The following FAR2 variants were observed in gnomAD, a reference collection of about 807,000 sequenced individuals.
FAR2 encodes fatty acyl-CoA reductase 2.
FAR2 carries 19 observed loss-of-function variants against 56.0 expected under a neutral mutation model. The ratio of observed to expected loss-of-function variants is 0.34; its 90% CI spans 0.24 to 0.50. The LOEUF is 0.50. FAR2 is among the 20% of genes least tolerant of loss of function. The probability of loss-of-function intolerance (pLI) is 0.98; values close to 1 mark genes in which losing one functional copy is unlikely to be tolerated. For missense variants in FAR2, 508 were observed against 642.2 expected (o/e 0.79, Z 2.26); for synonymous variants, 219 against 218.8 (o/e 1.00, Z -0.01).
chr12:29,257,634 C>T (rs937661590), intron 1 of FAR2, among the ~76,000 whole-genome samples: 7 of 152,108 alleles, frequency 4.6e-5, no homozygotes, highest in Admixed American at 3.3e-4. Flanking sequence ...AGCGAGACCA[C>T]GAGCCCACCG....
At chr12:29,324,481 G>A (rs1485189642) in intron 10 of FAR2, among the ~76,000 whole-genome samples, 2 of 152,174 alleles carry the variant, frequency 1.3e-5, no homozygotes, top group African/African-American at 4.8e-5. Flanking sequence ...GGAAAAAAGT[G>A]TTAAGAGCAG....
chr12:29,210,706 C>G (rs566828344), intron 1 of FAR2, among the ~76,000 whole-genome samples: 12 of 152,172 alleles, frequency 7.9e-5, no homozygotes, highest in Non-Finnish European at 1.2e-4. Flanking sequence ...GTAATCCCAG[C>G]ACTTTGGGAG....
intron 1 of FAR2, among the ~76,000 whole-genome samples, chr12:29,250,780 T>C (rs984034548): frequency 2.6e-5 from 4 of 152,130 alleles, no homozygotes; most frequent in African/African-American, 7.2e-5. Flanking sequence ...GAAAATATAA[T>C]GGATTAATTT....
At chr12:29,248,420 C>T (rs1948161207) in intron 1 of FAR2, among the ~76,000 whole-genome samples, 1 of 152,052 alleles carries the variant, frequency 6.6e-6, no homozygotes, top group African/African-American at 2.4e-5. Context: ...GCCACAAAAA[C>T]CAGCAAGTTT....
At chr12:29,186,938 G>A (rs936815992) in intron 1 of FAR2, among the ~76,000 whole-genome samples, 155 of 152,104 alleles carry the variant, frequency 1.0e-3, no homozygotes, top group African/African-American at 3.6e-3. Context: ...ACAGGCGCCC[G>A]CCACCACAAC....
chr12:29,328,853 T>G (rs1002536502), intron 10 of FAR2, among the ~76,000 whole-genome samples: 1 of 151,702 alleles, frequency 6.6e-6, no homozygotes, highest in Admixed American at 6.6e-5. Flanking sequence ...GTAACAAGCC[T>G]GCACGTTATG....
intron 1 of FAR2, among the ~76,000 whole-genome samples, chr12:29,255,007 A>G (rs1948295134): frequency 2.0e-5 from 3 of 152,106 alleles, no homozygotes; most frequent in Non-Finnish European, 2.9e-5. Context: ...AATGATTGTG[A>G]TGCATTATTT....
At chr12:29,162,632 A>T (rs1234805736) in intron 1 of FAR2, among the ~76,000 whole-genome samples, 1 of 152,212 alleles carries the variant, frequency 6.6e-6, no homozygotes, top group African/African-American at 2.4e-5. Context: ...CCTAGACATA[A>T]GGGTTATTGG....
intron 1 of FAR2, among the ~76,000 whole-genome samples, chr12:29,167,142 A>C (rs1406920295): frequency 2.0e-5 from 3 of 152,208 alleles, no homozygotes; most frequent in Non-Finnish European, 4.4e-5. Context: ...TGGAGATGGT[A>C]CAAATCCATC....
At chr12:29,289,713 T>C (rs1287166754) in intron 2 of FAR2, among the ~76,000 whole-genome samples, 1 of 152,088 alleles carries the variant, frequency 6.6e-6, no homozygotes, top group Non-Finnish European at 1.5e-5. Flanking sequence ...GTTAAAAAGC[T>C]TCTACACAGC....
intron 9 of FAR2, among the ~76,000 whole-genome samples, chr12:29,318,237 A>T (rs1033308004): frequency 1.3e-5 from 2 of 152,208 alleles, no homozygotes; most frequent in Non-Finnish European, 2.9e-5. Context: ...ATTTTTAAAG[A>T]CCTCATTTGG....
chr12:29,237,586 C>T (rs1382096080), intron 1 of FAR2, among the ~76,000 whole-genome samples: 1 of 152,194 alleles, frequency 6.6e-6, no homozygotes, highest in Non-Finnish European at 1.5e-5. Context: ...AAAGAAAACA[C>T]TTGTGTGATT....
intron 1 of FAR2, among the ~76,000 whole-genome samples, chr12:29,194,007 A>G (rs566144366): frequency 6.6e-6 from 1 of 152,324 alleles, no homozygotes; most frequent in Admixed American, 6.5e-5. Flanking sequence ...GCAATGTACT[A>G]GAGACATGTT....
chr12:29,238,532 C>T (rs12310050), intron 1 of FAR2, among the ~76,000 whole-genome samples: 2,662 of 151,866 alleles, frequency 0.018, 79 homozygotes, highest in African/African-American at 0.055. Context: ...TACATAAAAG[C>T]TCTTTGAGGG....
intron 1 of FAR2, among the ~76,000 whole-genome samples, chr12:29,164,999 T>C (rs1293762008): frequency 6.6e-6 from 1 of 152,182 alleles, no homozygotes; most frequent in Non-Finnish European, 1.5e-5. Context: ...TTATAATATA[T>C]GTTCCAGTTT....
rs570306539 is a variant in FAR2 at position 29,320,996 on chromosome 12, T to C, written c.1128-799T>C. Among the ~76,000 whole-genome samples, 449 of 152,298 alleles carry C rather than the reference T, an allele frequency of 2.9e-3. 3 individuals carry two copies. Among genetic ancestry groups the C allele is most frequent in the African/African-American group, 9.6e-3 (399 of 41,562 alleles). The stretch of plus-strand genomic sequence containing the variant: ...TTACTCATTTGTAAAACTGCAGACT[T>C]ACCTAACAAAGATGATATCAAAATT... On this transcript the variant is annotated intron_variant, in intron 9 of 11. Coordinates refer to ENST00000536681, the MANE Select transcript of FAR2 (RefSeq NM_001271783.2).
chr12:29,316,814 C>A (rs759214508), intron 8 of FAR2, 27 bp from the exon 9 acceptor site: 9 of 1,611,598 alleles, frequency 5.6e-6, no homozygotes, highest in Non-Finnish European at 6.8e-6. Context: ...CTTTTCTCCT[C>A]TAGCACTTAC....
intron 1 of FAR2, among the ~76,000 whole-genome samples, chr12:29,174,959 CA>C (rs1198574616): frequency 2.0e-5 from 3 of 152,142 alleles, no homozygotes; most frequent in Non-Finnish European, 2.9e-5. Context: ...CCCAGAAGTA[CA>C]GGAGATGTGG....
At chr12:29,326,823 T>C (rs1023842025) in intron 10 of FAR2, among the ~76,000 whole-genome samples, 2 of 152,094 alleles carry the variant, frequency 1.3e-5, no homozygotes, top group African/African-American at 4.8e-5. Context: ...ACTGGAAGCA[T>C]TCCCTTTGAA....
Sources: allele counts gnomAD v4.1 joint callset (sites outside exome capture counted in the v4.1 genomes callset), GRCh38; gene constraint gnomAD v4.1.1; transcripts MANE v1.5; gene names NCBI Gene and HGNC (gene_info 2026-07-23, HGNC 2026-07-21).